Variants in PRSS41 observed in about 807,000 individuals in gnomAD.
The protein encoded by PRSS41 is serine protease 41.
A neutral mutation model predicts 28.8 loss-of-function variants in PRSS41; 37 were observed. The observed-to-expected ratio is 1.29, with a 90% CI of 0.99 to 1.69. The LOEUF (loss-of-function observed/expected upper bound fraction) is 1.69, where lower values mean the gene tolerates loss of function less well. PRSS41 is among the 40% of genes most tolerant of loss of function. The pLI, the probability that PRSS41 is intolerant of heterozygous loss-of-function variation, is 0.00. For missense variants in PRSS41, 431 were observed against 400.7 expected, an observed-to-expected ratio of 1.08 and a Z score of -0.65; for synonymous variants, 195 against 163.1, an observed-to-expected ratio of 1.20 and a Z score of -1.49.
chr16:2,802,958 C>G (rs1172155410), intron 4 of PRSS41, among the ~76,000 whole-genome samples: 1 of 152,152 alleles, frequency 6.6e-6, no homozygotes, highest in East Asian at 1.9e-4. Flanking sequence ...GTATAGTAAC[C>G]TCAGCTCTCT....
intron 4 of PRSS41, among the ~76,000 whole-genome samples, chr16:2,802,813 T>C (rs2068998479): frequency 6.6e-6 from 1 of 151,342 alleles, no homozygotes; most frequent in Non-Finnish European, 1.5e-5. Flanking sequence ...TGAGCCGAGA[T>C]GGCAGCAGTA....
chr16:2,799,425 AAT>A lies in PRSS41; in HGVS notation c.398_399del (p.Asn133ArgfsTer70). On this transcript the variant is annotated frameshift_variant, in exon 4 of 6. Coordinates refer to ENST00000399677, the Ensembl canonical transcript of PRSS41. LOFTEE classifies it high-confidence loss of function. ...CCCTGACGCACTTGGGGTTTTACGC[AAT>A]GACATTGCCCTGCTGAGACTGGCCT... 6.4e-7 allele frequency: 1 copy of A among 1,552,118 alleles called. No individual in the cohort carries two copies. Among genetic ancestry groups the A allele is most frequent in the Non-Finnish European group, 8.7e-7 (1 of 1,147,060 alleles).
chr16:2,799,558 G>A, exon 4 of PRSS41: 1 of 1,551,480 alleles, frequency 6.4e-7, no homozygotes, highest in Non-Finnish European at 8.7e-7. Context: ...GGGTTAATCA[G>A]CCCCAGTGGC....
chr16:2,798,687 C>G (rs2068964539), intron 2 of PRSS41, 25 bp downstream of exon 2: 2 of 1,442,992 alleles, frequency 1.4e-6, no homozygotes, highest in Non-Finnish European at 1.8e-6. Flanking sequence ...ACGCGCGATG[C>G]CAGCCAGGGC....
chr16:2,802,501 A>G (rs1281394528), intron 4 of PRSS41, among the ~76,000 whole-genome samples: 2 of 152,144 alleles, frequency 1.3e-5, no homozygotes, highest in Non-Finnish European at 2.9e-5. Flanking sequence ...AGAGGCTGCA[A>G]TCTCGGCACT....
Position 2,804,876 on chromosome 16 carries a change from C to T in PRSS41, c.700-38C>T, listed in dbSNP as rs372838014. 3.0e-5 allele frequency: 46 copies of T among 1,520,570 alleles called. No individual in the cohort carries two copies. The African/African-American group carries it at 5.8e-4, about 19-fold the overall frequency. 94.2% of individuals were successfully genotyped at this position (1,520,570 alleles called of 1,614,324 possible). On this transcript the variant is annotated intron_variant, in intron 5 of 5. Transcript: ENST00000399677. ...CTCATGGCCTCTGCTGCCCCACCCA[C>T]TCTGCCCCAGCCTGGGCTCACCCAT...
chr16:2,799,212 G>A lies in PRSS41; in HGVS notation c.258-74G>A, dbSNP rs1187545874. 12 of 1,521,586 alleles carry A rather than the reference G, an allele frequency of 7.9e-6. No individual in the cohort carries two copies. The East Asian group carries it at 1.5e-4, about 19-fold the overall frequency. The allele number at this position is 1,521,586 out of a possible 1,614,324, so 94.3% of individuals were successfully genotyped here. On this transcript the variant is annotated intron_variant, in intron 3 of 5. Transcript: ENST00000399677. ...AGCCACCCAGCAGCTTGGCCTCAGG[G>A]ACTGGGCCTCCAGCGTGCTCAGGCG...
exon 6 of PRSS41, chr16:2,805,108 C>T (rs1389161986): frequency 3.9e-6 from 6 of 1,551,330 alleles, no homozygotes; most frequent in Non-Finnish European, 5.2e-6. Context: ...TGTTGCTGCT[C>T]CTTGCCCTGC....
chr16:2,804,598 G>A, intron 5 of PRSS41, 52 bp downstream of exon 5: 2 of 1,506,060 alleles, frequency 1.3e-6, no homozygotes, highest in Admixed American at 2.0e-5. Context: ...CTCTACACCT[G>A]AGAGCAGCTA....
chr16:2,804,679 A>C lies in PRSS41; in HGVS notation c.699+133A>C. 3.2e-6 allele frequency: 3 copies of C among 945,554 alleles called. No homozygotes were observed. The South Asian group carries it at 5.0e-5, about 16-fold the overall frequency. 58.6% of individuals were successfully genotyped at this position (945,554 alleles called of 1,614,324 possible). A position where few individuals can be genotyped will look rare whatever the true frequency, so the allele number is the denominator to read the frequency against. Reference sequence around the variant, plus strand: ...GGAGAAAACCAGTGCAGTCTCAGTTACTGAGCCTACAAAATATGCTTCTCA... The same window carrying C: ...GGAGAAAACCAGTGCAGTCTCAGTTCCTGAGCCTACAAAATATGCTTCTCA... On this transcript the variant is annotated intron_variant, in intron 5 of 5. Coordinates refer to ENST00000399677, the Ensembl canonical transcript of PRSS41.
intron 4 of PRSS41, among the ~76,000 whole-genome samples, chr16:2,802,992 T>A (rs2068999934): frequency 6.6e-6 from 1 of 152,346 alleles, no homozygotes; most frequent in Admixed American, 6.5e-5. Flanking sequence ...TTTATGGAAA[T>A]TTTTCCCAAC....
chr16:2,799,631 C>A lies in PRSS41; in HGVS notation c.541+62C>A. ...TGCGGGGTGAGCATTACCCTCTACCCCTGTTCCCGCTACACAAGCACAGCA... is the reference window on the plus strand; with the variant it reads ...TGCGGGGTGAGCATTACCCTCTACCACTGTTCCCGCTACACAAGCACAGCA... On this transcript the variant is annotated intron_variant, in intron 4 of 5. Coordinates refer to ENST00000399677, the Ensembl canonical transcript of PRSS41. 3 of 1,491,482 alleles carry A rather than the reference C, an allele frequency of 2.0e-6. No homozygotes were observed. The Admixed American group carries it at 5.9e-5, about 30-fold the overall frequency. 92.4% of individuals were successfully genotyped at this position (1,491,482 alleles called of 1,614,324 possible).
chr16:2,800,044 G>T (rs948224575), intron 4 of PRSS41, among the ~76,000 whole-genome samples: 6 of 152,216 alleles, frequency 3.9e-5, no homozygotes, highest in African/African-American at 1.4e-4. Context: ...TCATCATTGT[G>T]TCAACATCAT....
exon 6 of PRSS41, chr16:2,805,284 T>G (rs984079605): frequency 9.5e-6 from 6 of 629,486 alleles, no homozygotes; most frequent in Non-Finnish European, 1.4e-5. Context: ...CGTTTGCTAA[T>G]AAATACGTGT....
intron 4 of PRSS41, among the ~76,000 whole-genome samples, chr16:2,802,999 C>T (rs1024600585): frequency 6.6e-6 from 1 of 152,154 alleles, no homozygotes; most frequent in Admixed American, 6.5e-5. Context: ...AAATTTTTCC[C>T]AACCTTTCAC....
intron 5 of PRSS41, 90 bp downstream of exon 5, chr16:2,804,636 C>T (rs2069009200): frequency 2.3e-6 from 3 of 1,283,272 alleles, no homozygotes; most frequent in Middle Eastern, 2.6e-4. Context: ...ACTCCCAACC[C>T]ATTGCTTAGA....
exon 4 of PRSS41, chr16:2,799,306 G>T: frequency 6.4e-7 from 1 of 1,551,594 alleles, no homozygotes; most frequent in South Asian, 1.2e-5. Context: ...CCCTCCGAGT[G>T]GACGGTCCAG....
At chr16:2,804,859 C>G in intron 5 of PRSS41, 55 bp from the exon 6 acceptor site, 1 of 1,391,976 alleles carries the variant, frequency 7.2e-7, no homozygotes, top group Non-Finnish European at 1.0e-6. Context: ...CTCTCATGGC[C>G]TCTGCTGCCC....
chr16:2,798,685 T>G, intron 2 of PRSS41, 23 bp downstream of exon 2: 4 of 1,441,838 alleles, frequency 2.8e-6, no homozygotes, highest in Non-Finnish European at 2.7e-6. Context: ...GGACGCGCGA[T>G]GCCAGCCAGG....
Sources: gnomAD v4.1 joint callset for allele counts (sites outside exome capture counted in the v4.1 genomes callset) on GRCh38, gnomAD v4.1.1 for gene constraint, MANE v1.5 for transcripts, NCBI Gene and HGNC (gene_info 2026-07-23, HGNC 2026-07-21) for gene names.